The following IFT74 variants were observed in gnomAD, a reference collection of about 807,000 sequenced individuals.
The protein encoded by IFT74 is intraflagellar transport protein 74 homolog.
Under a neutral mutation model 96.7 loss-of-function variants are expected in IFT74, and 92 were observed. The ratio of observed to expected loss-of-function variants is 0.95; its 90% confidence interval spans 0.80 to 1.13. IFT74 has a LOEUF of 1.13. IFT74 is among the 50% of genes most tolerant of loss of function. The probability of loss-of-function intolerance (pLI) is 0.00; values close to 1 mark genes in which losing one functional copy is unlikely to be tolerated. For missense variants in IFT74, 811 were observed against 698.2 expected (o/e 1.16, Z -1.82); for synonymous variants, 223 against 213.2 (o/e 1.05, Z -0.40).
intron 14 of IFT74, among the ~76,000 whole-genome samples, chr9:27,046,962 T>G (rs1245108014): frequency 6.6e-6 from 1 of 152,034 alleles, no homozygotes; most frequent in Non-Finnish European, 1.5e-5. Context: ...ATCACGTGGT[T>G]AAGAGATCGA....
chr9:27,045,953 T>C (rs1354983395), intron 14 of IFT74, among the ~76,000 whole-genome samples: 1 of 152,146 alleles, frequency 6.6e-6, no homozygotes, highest in Admixed American at 6.5e-5. Context: ...CTACCTAGTG[T>C]GGTATCTGGC....
intron 13 of IFT74, among the ~76,000 whole-genome samples, chr9:27,041,676 C>T (rs1388426336): frequency 6.6e-6 from 1 of 152,138 alleles, no homozygotes; most frequent in African/African-American, 2.4e-5. Flanking sequence ...TATCTACAAT[C>T]TCATCCTGTC....
At chr9:26,999,987 T>C (rs536689253) in intron 8 of IFT74, among the ~76,000 whole-genome samples, 1 of 152,206 alleles carries the variant, frequency 6.6e-6, no homozygotes, top group Non-Finnish European at 1.5e-5. Flanking sequence ...CTCAGCCTGG[T>C]ATCAAACTCC....
chr9:27,027,703 G>A (rs1241275650), intron 12 of IFT74, among the ~76,000 whole-genome samples: 1 of 152,098 alleles, frequency 6.6e-6, no homozygotes, highest in Non-Finnish European at 1.5e-5. Context: ...ATGCTAGATA[G>A]AGGTGTCATC....
chr9:26,998,428 G>A (rs1037275853), intron 8 of IFT74, among the ~76,000 whole-genome samples: 2 of 151,978 alleles, frequency 1.3e-5, no homozygotes, highest in African/African-American at 4.8e-5. Context: ...AAAAATTAAG[G>A]ATATTCTGAT....
At chr9:27,061,144 GGTGT>G (rs34615635) in intron 19 of IFT74, among the ~76,000 whole-genome samples, 17,977 of 149,682 alleles carry the variant, frequency 0.12, 2,148 homozygotes, top group East Asian at 0.66. Flanking sequence ...GTAGTTAAGA[GGTGT>G]GTGTGTGTGT....
intron 2 of IFT74, among the ~76,000 whole-genome samples, chr9:26,965,686 C>T (rs1339196546): frequency 6.6e-6 from 1 of 152,012 alleles, no homozygotes; most frequent in Non-Finnish European, 1.5e-5. Context: ...GTCTTACATG[C>T]ATATATTATG....
chr9:27,062,492 T>G, intron 19 of IFT74, 126 bp from the exon 20 acceptor site: 1 of 585,850 alleles, frequency 1.7e-6, no homozygotes, highest in Non-Finnish European at 3.0e-6. Flanking sequence ...TGTACTGTAT[T>G]TTAAAGTATT....
intron 8 of IFT74, among the ~76,000 whole-genome samples, chr9:27,002,293 C>G (rs1034923053): frequency 2.0e-5 from 3 of 152,174 alleles, no homozygotes; most frequent in Admixed American, 6.5e-5. Context: ...CACTTTCATG[C>G]GGGTCCATGT....
intron 1 of IFT74, chr9:26,947,331 G>T: frequency 2.3e-6 from 1 of 436,020 alleles, no homozygotes; most frequent in Non-Finnish European, 4.1e-6. Context: ...GCGGAGCTGA[G>T]CTGGCTTTCC....
At chr9:27,031,756 TAAAA>T (rs1017378416) in intron 13 of IFT74, among the ~76,000 whole-genome samples, 2 of 145,370 alleles carry the variant, frequency 1.4e-5, no homozygotes, top group Middle Eastern at 3.6e-3. Context: ...TAAAATAAAA[TAAAA>T]TAAAATAAAA....
chr9:26,991,490 G>A (rs1397401773), intron 8 of IFT74, among the ~76,000 whole-genome samples: 2 of 152,074 alleles, frequency 1.3e-5, no homozygotes, highest in East Asian at 3.8e-4. Context: ...CAAGTGTTGG[G>A]ATTACAGGAG....
intron 4 of IFT74, among the ~76,000 whole-genome samples, chr9:26,983,035 G>T (rs1052184712): frequency 6.6e-6 from 1 of 151,932 alleles, no homozygotes; most frequent in Non-Finnish European, 1.5e-5. Context: ...CACATTATTT[G>T]TATCTTCTTT....
chr9:26,952,557 G>A (rs1825968215), upstream of IFT74, among the ~76,000 whole-genome samples: 2 of 152,164 alleles, frequency 1.3e-5, no homozygotes, highest in Admixed American at 6.5e-5. Context: ...GATTACAGGC[G>A]TGAGCCACTG....
At chr9:27,012,667 T>C (rs1303724852) in intron 10 of IFT74, among the ~76,000 whole-genome samples, 1 of 151,438 alleles carries the variant, frequency 6.6e-6, no homozygotes, top group Non-Finnish European at 1.5e-5. Context: ...AATGTGCATA[T>C]GGTTTAAAAA....
upstream of IFT74, chr9:26,956,167 G>A (rs1826082650): frequency 6.6e-6 from 1 of 152,266 alleles, no homozygotes; most frequent in African/African-American, 2.4e-5. Flanking sequence ...CTTCAAGTAA[G>A]GCACACGGAG....
chr9:27,046,106 A>T (rs939301047), intron 14 of IFT74, among the ~76,000 whole-genome samples: 8 of 152,228 alleles, frequency 5.3e-5, no homozygotes, highest in African/African-American at 1.9e-4. Context: ...TCCTTAAAAA[A>T]TAACCCCTGA....
At chr9:26,963,667 G>C (rs929973856) in intron 2 of IFT74, among the ~76,000 whole-genome samples, 2 of 151,876 alleles carry the variant, frequency 1.3e-5, no homozygotes, top group African/African-American at 4.8e-5. Flanking sequence ...GGTGTGAGAT[G>C]GTGTCTCATT....
At chr9:27,055,588 C>T (rs763428646) in intron 16 of IFT74, 21 bp from the exon 17 acceptor site, 4 of 1,537,316 alleles carry the variant, frequency 2.6e-6, no homozygotes, top group Non-Finnish European at 3.5e-6. Flanking sequence ...TTAATTATCA[C>T]CTTAAATTCT....
Sources: gnomAD v4.1 joint callset for allele counts (sites outside exome capture counted in the v4.1 genomes callset) on GRCh38, gnomAD v4.1.1 for gene constraint, MANE v1.5 for transcripts, NCBI Gene and HGNC (gene_info 2026-07-23, HGNC 2026-07-21) for gene names.